VPS41: variants seen among roughly 807,000 people sequenced by gnomAD.
VPS41 encodes vacuolar protein sorting-associated protein 41 homolog.
Under a neutral mutation model 130.9 loss-of-function variants are expected in VPS41, and 85 were observed. The ratio of observed to expected loss-of-function variants is 0.65; its 90% confidence interval spans 0.55 to 0.78. The LOEUF is 0.78. VPS41 is among the 30% of genes least tolerant of loss of function. The pLI, the probability that VPS41 is intolerant of heterozygous loss-of-function variation, is 0.00. For synonymous variants in VPS41, 335 were observed against 332.9 expected (o/e 1.01, Z -0.07); for missense variants, 874 against 1,018.7 (o/e 0.86, Z 1.93).
At chr7:38,882,743 A>C (rs1562622384) in intron 2 of VPS41, among the ~76,000 whole-genome samples, 1 of 152,174 alleles carries the variant, frequency 6.6e-6, no homozygotes, top group Non-Finnish European at 1.5e-5. Flanking sequence ...TTACATGCCC[A>C]CATTTTAGTC....
intron 5 of VPS41, among the ~76,000 whole-genome samples, chr7:38,825,257 T>C (rs1444367869): frequency 1.3e-5 from 2 of 152,224 alleles, no homozygotes; most frequent in African/African-American, 2.4e-5. Flanking sequence ...AGTGTTCTTA[T>C]ATTCTATTTC....
intron 4 of VPS41, among the ~76,000 whole-genome samples, chr7:38,858,903 A>G (rs990266060): frequency 1.3e-5 from 2 of 152,214 alleles, no homozygotes; most frequent in African/African-American, 4.8e-5. Flanking sequence ...CCCATAAAAC[A>G]GCCTCAGGCA....
intron 8 of VPS41, 70 bp from the exon 9 acceptor site, chr7:38,795,681 C>T: frequency 7.4e-7 from 1 of 1,348,834 alleles, no homozygotes; most frequent in Admixed American, 2.0e-5. Context: ...TTAACAGCCC[C>T]TGCTACATAC....
chr7:38,866,871 T>G (rs963396537), intron 3 of VPS41, among the ~76,000 whole-genome samples: 2 of 152,144 alleles, frequency 1.3e-5, no homozygotes, highest in Non-Finnish European at 2.9e-5. Flanking sequence ...TAAAGAAGTT[T>G]TGAGAAGAAA....
chr7:38,891,331 T>C (rs1003569968), intron 2 of VPS41, among the ~76,000 whole-genome samples: 1 of 152,350 alleles, frequency 6.6e-6, no homozygotes, highest in South Asian at 2.1e-4. Flanking sequence ...CAGATAATGA[T>C]AGTAAATAAA....
chr7:38,779,025 T>C (rs1240025091), intron 10 of VPS41, among the ~76,000 whole-genome samples: 1 of 152,220 alleles, frequency 6.6e-6, no homozygotes, highest in African/African-American at 2.4e-5. Context: ...ATTAAGAACA[T>C]GATAGAAACT....
chr7:38,786,617 T>C (rs1231068366), intron 10 of VPS41, among the ~76,000 whole-genome samples: 1 of 152,202 alleles, frequency 6.6e-6, no homozygotes, highest in Non-Finnish European at 1.5e-5. Context: ...TACAAAGTTC[T>C]TTTCTTTAAT....
Position 38,869,256 on chromosome 7 carries a change from G to C in VPS41, c.61-3C>G, listed in dbSNP as rs117694486. 1.3e-5 allele frequency: 21 copies of C among 1,597,346 alleles called. No homozygotes were observed. Among genetic ancestry groups the C allele is most frequent in the Non-Finnish European group, 1.8e-5 (21 of 1,171,024 alleles). ...GGTTCCTCTTCGCTCTCTTCTTCCT[G>C]CACAAACGGCAAAGAAAAATGACAC... On this transcript the variant is annotated splice_region_variant and splice_polypyrimidine_tract_variant and intron_variant, in intron 2 of 28. Coordinates refer to ENST00000310301, the MANE Select transcript of VPS41 (RefSeq NM_014396.4).
chr7:38,898,189 AG>A, intron 1 of VPS41, 60 bp from the exon 2 acceptor site: 1 of 1,437,598 alleles, frequency 7.0e-7, no homozygotes. Flanking sequence ...ATCATTTGCA[AG>A]GGGAAAGAGT....
chr7:38,763,464 A>C lies in VPS41; in HGVS notation c.1413T>G (p.Ser471Arg). 1 of 1,599,738 alleles carries C rather than the reference A, an allele frequency of 6.3e-7. No homozygotes were observed. Among genetic ancestry groups the C allele is most frequent in the Non-Finnish European group, 8.5e-7 (1 of 1,174,038 alleles). ...YEMILHEFLE[S>R]DYEGFATLIR... The stretch of plus-strand genomic sequence containing the variant: ...CATCAGAACACCATACCTCATAATC[A>C]CTCTCCAAAAATTCATGTAAGATCA... Residue 471 changes from serine (S) to arginine (R), a missense_variant, in exon 17 of 29, where the codon AGT becomes AGG. Ser to Arg is a moderately radical substitution (Grantham distance 110). Transcript: ENST00000310301.
chr7:38,726,161 A>T lies in VPS41; in HGVS notation c.*85T>A. Reference sequence around the variant, plus strand: ...TATAAACATAAACAAATCTCTTAACAGCACGAGTGTCAACAAATGCTTTTG... The same window carrying T: ...TATAAACATAAACAAATCTCTTAACTGCACGAGTGTCAACAAATGCTTTTG... On this transcript the variant is annotated 3_prime_UTR_variant, in exon 29 of 29. Coordinates refer to ENST00000310301, the MANE Select transcript of VPS41 (RefSeq NM_014396.4). 3.4e-6 allele frequency: 3 copies of T among 870,106 alleles called. No individual in the cohort carries two copies. The highest frequency in any genetic ancestry group is 5.8e-6 in the Non-Finnish European group (3 of 514,196). The allele number at this position is 870,106 out of a possible 1,614,324, so 53.9% of individuals were successfully genotyped here.
At chr7:38,888,790 A>G (rs936534723) in intron 2 of VPS41, among the ~76,000 whole-genome samples, 1 of 152,222 alleles carries the variant, frequency 6.6e-6, no homozygotes, top group African/African-American at 2.4e-5. Flanking sequence ...AACACTCCTC[A>G]GCAAATGTAA....
intron 6 of VPS41, among the ~76,000 whole-genome samples, chr7:38,819,324 G>C (rs1037274507): frequency 1.3e-5 from 2 of 152,174 alleles, no homozygotes; most frequent in East Asian, 3.9e-4. Flanking sequence ...TCATTGCTTA[G>C]TGCTGCTCCA....
chr7:38,867,939 C>T (rs576216048), intron 3 of VPS41, among the ~76,000 whole-genome samples: 8 of 152,006 alleles, frequency 5.3e-5, no homozygotes, highest in Non-Finnish European at 1.2e-4. Flanking sequence ...TTCATAGACA[C>T]AGAAAAATAA....
rs556618777 is a variant in VPS41, at chr7:38,868,680, G to A, written c.168+466C>T. Among the ~76,000 whole-genome samples, 17 of 152,236 alleles carry A rather than the reference G, an allele frequency of 1.1e-4. No individual in the cohort carries two copies. In the East Asian group the frequency reaches 1.5e-3, roughly 14 times the overall value. On this transcript the variant is annotated intron_variant, in intron 3 of 28. Transcript: ENST00000310301. ...AGATGTGGAATAAATTCATTCATTC[G>A]TATAAGTAATAATTTGGGGCATTTC...
At chr7:38,852,023 C>A (rs1173566119) in intron 4 of VPS41, among the ~76,000 whole-genome samples, 4 of 152,092 alleles carry the variant, frequency 2.6e-5, no homozygotes, top group Non-Finnish European at 5.9e-5. Context: ...AACCAAATGA[C>A]AAGAATGTTG....
At chr7:38,904,822 A>G (rs1362501199) in intron 1 of VPS41, among the ~76,000 whole-genome samples, 6 of 152,238 alleles carry the variant, frequency 3.9e-5, no homozygotes, top group Non-Finnish European at 7.3e-5. Context: ...TCTAAAATGC[A>G]GAAGGAGAAT....
chr7:38,789,251 C>A (rs761249901), intron 10 of VPS41, among the ~76,000 whole-genome samples: 1 of 152,064 alleles, frequency 6.6e-6, no homozygotes, highest in Non-Finnish European at 1.5e-5. Context: ...GTAGAAAAGA[C>A]AGAAATGTAT....
At chr7:38,906,065 G>A (rs1213381025) in intron 1 of VPS41, among the ~76,000 whole-genome samples, 1 of 151,988 alleles carries the variant, frequency 6.6e-6, no homozygotes, top group Admixed American at 6.6e-5. Context: ...CGAAGTGCTG[G>A]GATTACAGGC....
Sources: allele counts gnomAD v4.1 joint callset (sites outside exome capture counted in the v4.1 genomes callset), GRCh38; gene constraint gnomAD v4.1.1; transcripts MANE v1.5; gene names NCBI Gene and HGNC (gene_info 2026-07-23, HGNC 2026-07-21).